GRK3: variants seen among roughly 807,000 people sequenced by gnomAD.
GRK3 encodes G protein-coupled receptor kinase 3, also known as adrenergic, beta, receptor kinase 2.
GRK3 carries 54 observed loss-of-function variants against 95.7 expected under a neutral mutation model. That is an observed-to-expected ratio of 0.56 (90% CI 0.45 to 0.71). The LOEUF is 0.71. Ranked by LOEUF, GRK3 falls within the 30% of genes least tolerant of loss-of-function variation. GRK3 has a pLI of 0.00. For missense variants in GRK3, 649 were observed against 851.2 expected (o/e 0.76, Z 2.96); for synonymous variants, 281 against 290.8 (o/e 0.97, Z 0.34).
chr22:25,695,086 T>C, intron 12 of GRK3, 21 bp from the exon 13 acceptor site: 1 of 1,583,420 alleles, frequency 6.3e-7, no homozygotes, highest in Non-Finnish European at 8.7e-7. Context: ...CTGATAACTG[T>C]GTATACTTTC....
intron 5 of GRK3, among the ~76,000 whole-genome samples, chr22:25,666,112 T>A (rs993392512): frequency 3.9e-5 from 6 of 152,350 alleles, no homozygotes; most frequent in Middle Eastern, 3.4e-3. Context: ...GCTTTCATAC[T>A]CCTTAGCAAG....
chr22:25,711,013 G>C, intron 16 of GRK3, 55 bp from the exon 17 acceptor site: 1 of 1,099,614 alleles, frequency 9.1e-7, no homozygotes, highest in Non-Finnish European at 1.4e-6. Flanking sequence ...TGTTAGGTTG[G>C]GACAGGGCCA....
Position 25,623,624 on chromosome 22 carries a change from A to G in GRK3, c.190+19171A>G, listed in dbSNP as rs77124983. 1.5e-3 allele frequency among the ~76,000 whole-genome samples: 229 copies of G among 152,248 alleles called. 2 individuals are homozygous for G. The highest frequency in any genetic ancestry group is 4.9e-3 in the African/African-American group (204 of 41,546). ...TGACCAGAAAAACACAAACTAAGAAACCTACACACCTGTATTCATGCACAC... is the reference window on the plus strand; with the variant it reads ...TGACCAGAAAAACACAAACTAAGAAGCCTACACACCTGTATTCATGCACAC... On this transcript the variant is annotated intron_variant, in intron 2 of 20. Transcript: ENST00000324198.
intron 11 of GRK3, among the ~76,000 whole-genome samples, chr22:25,688,694 C>T (rs547942555): frequency 5.3e-5 from 8 of 152,124 alleles, no homozygotes; most frequent in South Asian, 2.1e-4. Flanking sequence ...TTCCAGAACG[C>T]GGTGCTTGGT....
At chr22:25,646,034 C>G (rs912332092) in intron 3 of GRK3, among the ~76,000 whole-genome samples, 2 of 151,970 alleles carry the variant, frequency 1.3e-5, no homozygotes, top group African/African-American at 4.8e-5. Context: ...TACCTGCTTA[C>G]CAGAGTACAA....
intron 13 of GRK3, among the ~76,000 whole-genome samples, chr22:25,696,977 G>A (rs1245126976): frequency 6.6e-6 from 1 of 152,200 alleles, no homozygotes; most frequent in East Asian, 1.9e-4. Flanking sequence ...CTCCCCAGTG[G>A]AGTCGCTTCT....
intron 13 of GRK3, 119 bp from the exon 14 acceptor site, chr22:25,703,391 A>G: frequency 2.9e-6 from 2 of 699,936 alleles, no homozygotes; most frequent in Non-Finnish European, 4.8e-6. Context: ...CGGCTTTTGC[A>G]TTTCTCCAGT....
chr22:25,634,694 G>A (rs2146371595), intron 2 of GRK3, among the ~76,000 whole-genome samples: 1 of 152,134 alleles, frequency 6.6e-6, no homozygotes, highest in Admixed American at 6.5e-5. Flanking sequence ...TTCTTCTAGT[G>A]CAAATGTCTA....
At chr22:25,700,111 G>GGCACTT (rs1471638405) in intron 13 of GRK3, among the ~76,000 whole-genome samples, 2 of 152,228 alleles carry the variant, frequency 1.3e-5, no homozygotes, top group Non-Finnish European at 2.9e-5. Context: ...AATACTGCAA[G>GGCACTT]GCACTTGGAG....
chr22:25,718,286 C>T lies in GRK3; in HGVS notation c.1696C>T (p.Leu566=), dbSNP rs766541737. 3 of 1,614,118 alleles carry T rather than the reference C, an allele frequency of 1.9e-6. No individual in the cohort carries two copies. Among genetic ancestry groups the T allele is most frequent in the Non-Finnish European group, 2.5e-6 (3 of 1,180,000 alleles). Residue 566 remains leucine, a synonymous_variant, in exon 19 of 21, where the codon CTG becomes TTG. Transcript: ENST00000324198. ...GKDCIMHGYM[L]KLGNPFLTQW... Reference sequence around the variant, plus strand: ...GGACTGTATTATGCACGGGTACATGCTGAAACTGGGAAACCCATTTCTGAC... The same window carrying T: ...GGACTGTATTATGCACGGGTACATGTTGAAACTGGGAAACCCATTTCTGAC...
rs771284057 is a variant in GRK3 at position 25,667,756 on chromosome 22, T to C, written c.459T>C (p.Ile153=). The C allele has an allele frequency of 1.2e-5, 19 of 1,612,198 alleles. No individual in the cohort carries two copies. In the East Asian group the frequency reaches 2.7e-4, roughly 23 times the overall value. The change falls in exon 6 of 21, where the codon ATT becomes ATC. Residue 153 remains isoleucine (I), a synonymous_variant. Transcript: ENST00000324198. ...STLFQPYIEE[I]CESLRGDIFQ... ...TCTTCCAGCCATACATAGAAGAAAT[T>C]TGTGAAAGCCTTCGAGGTGACATTT...
chr22:25,579,187 C>T (rs1265714959), intron 1 of GRK3, among the ~76,000 whole-genome samples: 2 of 151,082 alleles, frequency 1.3e-5, no homozygotes, highest in Admixed American at 6.6e-5. Context: ...GACACGCTCT[C>T]GCTCTGTCAC....
chr22:25,722,443 G>A lies in GRK3; in HGVS notation c.2060G>A (p.Gly687Asp), dbSNP rs200523866. ...TCCCTCTGTCACAGAAACAGCAACG[G>A]CCTCTAGCACCCAGAAACAGGGAGG... is the stretch of plus-strand genomic sequence containing the variant. ...KPSLCHRNSN[G>D]L is the part of the protein sequence containing the mutation. Residue 687 changes from glycine (G) to aspartate (D), a missense_variant, in exon 21 of 21, where the codon GGC (glycine) becomes GAC (aspartate). Around this residue, in one of 3 missense-constraint regions of GRK3, gnomAD observed 382 missense variants for 493.8 expected, o/e 0.77. Coordinates refer to ENST00000324198, the MANE Select transcript of GRK3 (RefSeq NM_005160.4). The A allele has an allele frequency of 1.1e-5, 18 of 1,614,088 alleles. No individual in the cohort carries two copies. Among genetic ancestry groups the A allele is most frequent in the East Asian group, 2.2e-5 (1 of 44,878 alleles).
chr22:25,578,169 C>T (rs561166790), intron 1 of GRK3, among the ~76,000 whole-genome samples: 3 of 151,738 alleles, frequency 2.0e-5, no homozygotes, highest in African/African-American at 7.3e-5. Flanking sequence ...TGCTTATCAT[C>T]CCCAGTCTTT....
chr22:25,666,128 T>C (rs1256063507), intron 5 of GRK3, among the ~76,000 whole-genome samples: 1 of 152,222 alleles, frequency 6.6e-6, no homozygotes, highest in Non-Finnish European at 1.5e-5. Flanking sequence ...GCAAGCCTGT[T>C]GCGGTTCTTT....
intron 15 of GRK3, 128 bp from the exon 16 acceptor site, chr22:25,709,770 G>A (rs139761505): frequency 2.9e-6 from 2 of 688,022 alleles, no homozygotes; most frequent in East Asian, 2.5e-5. Flanking sequence ...AAGCATATTT[G>A]TTTGCTTTCT....
chr22:25,692,041 G>A (rs2085168719), intron 12 of GRK3, among the ~76,000 whole-genome samples: 1 of 152,132 alleles, frequency 6.6e-6, no homozygotes, highest in South Asian at 2.1e-4. Context: ...ACGGCTCACT[G>A]CAGCCTCCCC....
At chr22:25,567,396 C>A (rs1171258673) in intron 1 of GRK3, among the ~76,000 whole-genome samples, 1 of 152,162 alleles carries the variant, frequency 6.6e-6, no homozygotes, top group East Asian at 1.9e-4. Context: ...TAACATCTTG[C>A]AAAATTCTCT....
At chr22:25,680,626 A>ACTCTTTT (rs2085066648) in intron 9 of GRK3, among the ~76,000 whole-genome samples, 1 of 152,200 alleles carries the variant, frequency 6.6e-6, no homozygotes, top group Admixed American at 6.5e-5. Context: ...GTAACCCTAA[A>ACTCTTTT]AGAGTAAATT....
Sources: gnomAD v4.1 joint callset for allele counts (sites outside exome capture counted in the v4.1 genomes callset) on GRCh38, gnomAD v4.1.1 for gene constraint, gnomAD v4.1.1 regional missense constraint, MANE v1.5 for transcripts, NCBI Gene and HGNC (gene_info 2026-07-23, HGNC 2026-07-21) for gene names.